Variants in LAMA3 observed in about 807,000 individuals in gnomAD.
The protein encoded by LAMA3 is laminin subunit alpha-3.
LAMA3 carries 281 observed loss-of-function variants against 402.0 expected under a neutral mutation model. The ratio of observed to expected loss-of-function variants is 0.70; its 90% CI spans 0.63 to 0.77. The LOEUF (loss-of-function observed/expected upper bound fraction) is 0.77, where lower values mean the gene tolerates loss of function less well. Ranked by LOEUF, LAMA3 falls within the 30% of genes least tolerant of loss-of-function variation. The pLI is 0.00. For synonymous variants in LAMA3, 1,431 were observed against 1,558.4 expected (o/e 0.92, Z 1.93); for missense variants, 3,840 against 4,215.5 (o/e 0.91, Z 2.47).
chr18:23,793,678 G>C (rs990045444), intron 12 of LAMA3, among the ~76,000 whole-genome samples: 1 of 152,154 alleles, frequency 6.6e-6, no homozygotes, highest in Non-Finnish European at 1.5e-5. Flanking sequence ...CATCAACACA[G>C]AAGAAAACGT....
intron 23 of LAMA3, among the ~76,000 whole-genome samples, chr18:23,828,560 G>A (rs371403742): frequency 6.6e-6 from 1 of 151,844 alleles, no homozygotes; most frequent in African/African-American, 2.4e-5. Flanking sequence ...GCACATACAC[G>A]TACATATACA....
At chr18:23,872,437 T>C (rs1336862789) in intron 38 of LAMA3, among the ~76,000 whole-genome samples, 3 of 152,184 alleles carry the variant, frequency 2.0e-5, no homozygotes, top group South Asian at 2.1e-4. Flanking sequence ...TTAGCATGAT[T>C]AATAAAAGTA....
chr18:23,810,326 T>C (rs2063043151), intron 12 of LAMA3, 40 bp from the exon 13 acceptor site: 1 of 1,613,072 alleles, frequency 6.2e-7, no homozygotes, highest in Non-Finnish European at 8.5e-7. Flanking sequence ...CTCCCATACC[T>C]GCAACCCCCG....
At position 23,824,528 on chromosome 18, in the gene LAMA3, T is replaced by C. The variant is rs372592020; in HGVS notation, c.2534T>C (p.Ile845Thr). The C allele has an allele frequency of 2.5e-6, 4 of 1,614,010 alleles. No homozygotes were observed. The highest frequency in any genetic ancestry group is 1.3e-5 in the African/African-American group (1 of 74,932). ...FADPFSITPG[I>T]WVACIKAEGV... ...GACCCATTTTCAATCACACCAGGAA[T>C]ATGGGTTGCTTGTATTAAGGCAGAA... The change falls in exon 21 of 75, where the codon ATA becomes ACA. Residue 845 changes from isoleucine (I) to threonine (T), a missense_variant. By Grantham distance (89) the Ile-to-Thr change is moderately conservative. Coordinates refer to ENST00000313654, the MANE Select transcript of LAMA3 (RefSeq NM_198129.4).
chr18:23,941,926 C>T (rs1335009775), intron 68 of LAMA3, among the ~76,000 whole-genome samples: 2 of 152,214 alleles, frequency 1.3e-5, no homozygotes, highest in Non-Finnish European at 2.9e-5. Flanking sequence ...ATTCTCCAAA[C>T]CTCCGCACTA....
intron 2 of LAMA3, among the ~76,000 whole-genome samples, chr18:23,724,719 A>C (rs548497767): frequency 6.6e-6 from 1 of 152,334 alleles, no homozygotes; most frequent in South Asian, 2.1e-4. Context: ...AATCATGGCC[A>C]TTTTCCTATT....
chr18:23,942,618 C>A (rs370495857), intron 68 of LAMA3, among the ~76,000 whole-genome samples: 6 of 151,586 alleles, frequency 4.0e-5, no homozygotes, highest in African/African-American at 1.5e-4. Context: ...CGCTGTGTCA[C>A]CCAGGCTGGA....
At chr18:23,801,871 C>T (rs9807493) in intron 12 of LAMA3, among the ~76,000 whole-genome samples, 25,287 of 152,140 alleles carry the variant, frequency 0.17, 3,103 homozygotes, top group East Asian at 0.57. Flanking sequence ...ATCCTTTGCC[C>T]ACTTTTAAAT....
At chr18:23,884,630 T>G (rs937509135) in intron 40 of LAMA3, 143 bp from the exon 41 acceptor site, 13 of 763,568 alleles carry the variant, frequency 1.7e-5, no homozygotes, top group Non-Finnish European at 2.9e-5. Context: ...CAAGTCTTGA[T>G]GGGCAAAATT....
intron 2 of LAMA3, among the ~76,000 whole-genome samples, chr18:23,733,773 C>G (rs777585965): frequency 6.6e-6 from 1 of 151,958 alleles, no homozygotes; most frequent in African/African-American, 2.4e-5. Flanking sequence ...CAGGACAGTC[C>G]CAGGCAGACT....
chr18:23,942,428 C>A lies in LAMA3; in HGVS notation c.9027-1360C>A, dbSNP rs187753171. On this transcript the variant is annotated intron_variant, in intron 68 of 74. Coordinates refer to ENST00000313654, the MANE Select transcript of LAMA3 (RefSeq NM_198129.4). ...ATCGTTGCATTCCTACTGTCCAGCA[C>A]TGCACCTTATGCATCTTCCACACTC... Among the ~76,000 whole-genome samples, 119 of 152,344 alleles carry A rather than the reference C, an allele frequency of 7.8e-4. 1 individual carries two copies. Among genetic ancestry groups the A allele is most frequent in the Admixed American group, 4.0e-3 (62 of 15,310 alleles).
At chr18:23,933,984 C>A in intron 67 of LAMA3, 49 bp downstream of exon 67, 2 of 1,582,944 alleles carry the variant, frequency 1.3e-6, no homozygotes, top group South Asian at 2.2e-5. Context: ...TGGAGGATTC[C>A]CCTGAGCCTG....
intron 32 of LAMA3, among the ~76,000 whole-genome samples, chr18:23,850,183 A>G (rs556224448): frequency 6.6e-6 from 1 of 152,376 alleles, no homozygotes; most frequent in Non-Finnish European, 1.5e-5. Context: ...CTGCAGTTGT[A>G]CAAATCATCA....
At chr18:23,880,837 A>G (rs1303234768) in intron 39 of LAMA3, among the ~76,000 whole-genome samples, 3 of 152,230 alleles carry the variant, frequency 2.0e-5, no homozygotes, top group Non-Finnish European at 4.4e-5. Context: ...AGACTAGGCC[A>G]TTGCACTCCA....
intron 13 of LAMA3, among the ~76,000 whole-genome samples, chr18:23,811,524 G>A (rs1485045141): frequency 6.6e-6 from 1 of 152,168 alleles, no homozygotes; most frequent in African/African-American, 2.4e-5. Context: ...CATCCTGCAT[G>A]GGTCTGCTCA....
In LAMA3 at chr18:23,842,744, G is replaced by A. The variant is rs1027094541; in HGVS notation, c.3597G>A (p.Leu1199=). 10 of 1,614,102 alleles carry A rather than the reference G, an allele frequency of 6.2e-6. No homozygotes were observed. In the Admixed American group the frequency reaches 1.7e-4, roughly 27 times the overall value. ...ATVKVPEGKS[L]VLVRVLVVPA... ...TGAAGGTTCCAGAAGGAAAGTCCTT[G>A]GTTTTGGTGCGTTCCACTCGTTCCT... Residue 1199 remains leucine (L), a synonymous_variant, in exon 29 of 75, where the codon TTG becomes TTA. Transcript: ENST00000313654.
At chr18:23,722,937 G>A (rs569828252) in intron 2 of LAMA3, among the ~76,000 whole-genome samples, 1 of 152,110 alleles carries the variant, frequency 6.6e-6, no homozygotes, top group Non-Finnish European at 1.5e-5. Context: ...CATCATGAAG[G>A]GTGAAAACCA....
chr18:23,887,100 G>A (rs1038567665), intron 41 of LAMA3, among the ~76,000 whole-genome samples: 3 of 152,234 alleles, frequency 2.0e-5, no homozygotes, highest in African/African-American at 7.2e-5. Context: ...AATGAAAAAT[G>A]TATGGAGGTC....
chr18:23,934,332 G>A (rs1179635116), intron 67 of LAMA3, among the ~76,000 whole-genome samples: 3 of 152,178 alleles, frequency 2.0e-5, no homozygotes, highest in African/African-American at 7.2e-5. Flanking sequence ...GATACGTGGT[G>A]TACCCTTGAC....
Sources: allele counts gnomAD v4.1 joint callset (sites outside exome capture counted in the v4.1 genomes callset), GRCh38; gene constraint gnomAD v4.1.1; transcripts MANE v1.5; gene names NCBI Gene and HGNC (gene_info 2026-07-23, HGNC 2026-07-21).